Variants in CDC123 observed in about 807,000 individuals in gnomAD.
The protein encoded by CDC123 is translation initiation factor eIF2 assembly protein.
CDC123 carries 37 observed loss-of-function variants against 54.4 expected under a neutral mutation model. The ratio of observed to expected loss-of-function variants is 0.68; its 90% CI spans 0.52 to 0.89. CDC123 has a LOEUF of 0.89. Ranked by LOEUF, CDC123 falls within the 40% of genes least tolerant of loss-of-function variation. The pLI, the probability that CDC123 is intolerant of heterozygous loss-of-function variation, is 0.00. For synonymous variants in CDC123, 144 were observed against 136.8 expected (o/e 1.05, Z -0.37); for missense variants, 361 against 412.1 (o/e 0.88, Z 1.07).
intron 12 of CDC123, 21 bp downstream of exon 12, chr10:12,249,739 G>A (rs755488879): frequency 7.6e-6 from 12 of 1,579,472 alleles, no homozygotes; most frequent in Non-Finnish European, 1.7e-6. Context: ...TGTGCATTTA[G>A]TATGCTGGCC....
At chr10:12,229,951 A>G (rs1361960545) in intron 6 of CDC123, among the ~76,000 whole-genome samples, 1 of 151,288 alleles carries the variant, frequency 6.6e-6, no homozygotes, top group Non-Finnish European at 1.5e-5. Flanking sequence ...ACACAACAAG[A>G]ACGTGGACAA....
At chr10:12,249,356 T>TG (rs1282231661) in intron 11 of CDC123, among the ~76,000 whole-genome samples, 3 of 152,186 alleles carry the variant, frequency 2.0e-5, no homozygotes, top group African/African-American at 4.8e-5. Context: ...GAGGTTCACC[T>TG]GAGCCCAGGA....
chr10:12,246,963 CCTCT>C (rs1362736431), intron 11 of CDC123: 1 of 145,848 alleles, frequency 6.9e-6, no homozygotes, highest in African/African-American at 2.6e-5. Context: ...ACTGTGTCCT[CCTCT>C]CTCTCACCTC....
At chr10:12,196,425 G>T in intron 1 of CDC123, 106 bp downstream of exon 1, 1 of 1,408,648 alleles carries the variant, frequency 7.1e-7, no homozygotes, top group Non-Finnish European at 9.9e-7. Flanking sequence ...GCGACTGCAT[G>T]GGAGGGAGTG....
chr10:12,246,856 C>G (rs1359034800), intron 11 of CDC123: 1 of 147,426 alleles, frequency 6.8e-6, no homozygotes, highest in Non-Finnish European at 1.5e-5. Context: ...ACACTTGTGT[C>G]CCCCTCTGTC....
intron 6 of CDC123, among the ~76,000 whole-genome samples, chr10:12,222,147 A>C (rs1372052796): frequency 2.6e-5 from 4 of 152,226 alleles, no homozygotes; most frequent in Non-Finnish European, 5.9e-5. Flanking sequence ...AGGAAGCACA[A>C]ATGCTCCCAG....
chr10:12,239,469 T>C (rs762930044), intron 10 of CDC123, among the ~76,000 whole-genome samples: 38 of 152,264 alleles, frequency 2.5e-4, no homozygotes, highest in Non-Finnish European at 4.6e-4. Flanking sequence ...TCCCAGCACT[T>C]TGGGAGGCTG....
rs982874231 is a variant in CDC123, at chr10:12,222,895, C to T, written c.440+5428C>T. 2.7e-5 allele frequency among the ~76,000 whole-genome samples: 4 copies of T among 146,168 alleles called. No individual in the cohort carries two copies. In the South Asian group the frequency reaches 8.7e-4, roughly 32 times the overall value. ...TCACTGGATATGTTACATTTGTCCT[C>T]TTTTTTTTTTTTTTGAGACGGAGTC... On this transcript the variant is annotated intron_variant, in intron 6 of 12. Transcript: ENST00000281141.
Position 12,250,468 on chromosome 10 carries a change from A to G in CDC123, c.*131A>G, listed in dbSNP as rs762009412. ...TGGACATCAGCCACTTTTTATATTC[A>G]TGTACATTCACCTGGGGAAAAAAAC... On this transcript the variant is annotated 3_prime_UTR_variant, in exon 13 of 13. Transcript: ENST00000281141. 4.0e-6 allele frequency: 3 copies of G among 748,716 alleles called. No individual in the cohort carries two copies. The highest frequency in any genetic ancestry group is 1.4e-5 in the South Asian group (1 of 70,338). The allele number at this position is 748,716 out of a possible 1,614,324, so 46.4% of individuals were successfully genotyped here.
At chr10:12,243,845 T>G (rs746901044) in intron 10 of CDC123, among the ~76,000 whole-genome samples, 1 of 152,068 alleles carries the variant, frequency 6.6e-6, no homozygotes, top group Admixed American at 6.6e-5. Context: ...GTCCATTTTG[T>G]ATCATGACAT....
At chr10:12,234,957 C>T in intron 7 of CDC123, 91 bp from the exon 8 acceptor site, 2 of 852,710 alleles carry the variant, frequency 2.3e-6, no homozygotes, top group South Asian at 3.0e-5. Context: ...TTGATAATGG[C>T]AATCATTAAG....
chr10:12,222,005 AGGCCTGGAGGG>A (rs146627895), intron 6 of CDC123, among the ~76,000 whole-genome samples: 1 of 152,304 alleles, frequency 6.6e-6, no homozygotes, highest in African/African-American at 2.4e-5. Context: ...CTGGTCCAGC[AGGCCTGGAGGG>A]GGCCTAAGCA....
chr10:12,226,668 G>C (rs908056368), intron 6 of CDC123, among the ~76,000 whole-genome samples: 1 of 141,570 alleles, frequency 7.1e-6, no homozygotes, highest in African/African-American at 2.6e-5. Context: ...GGGCTGCGGG[G>C]CAGAGGCGCT....
chr10:12,239,279 GGT>G, intron 10 of CDC123, among the ~76,000 whole-genome samples: 1 of 152,022 alleles, frequency 6.6e-6, no homozygotes, highest in East Asian at 1.9e-4. Flanking sequence ...TGTGTACCAT[GGT>G]TTAGGGATTC....
chr10:12,198,790 G>A lies in CDC123; in HGVS notation c.146+14G>A, dbSNP rs1835398791. On this transcript the variant is annotated intron_variant, in intron 2 of 12. Coordinates refer to ENST00000281141, the MANE Select transcript of CDC123 (RefSeq NM_006023.3). Reference sequence around the variant, plus strand: ...GGTTTCAGGAAGGTAAAGTATTTTAGAAAAAAATTTCTTAAACTTTATCAT... The same window carrying A: ...GGTTTCAGGAAGGTAAAGTATTTTAAAAAAAAATTTCTTAAACTTTATCAT... The A allele has an allele frequency of 2.1e-6, 3 of 1,451,170 alleles. No homozygotes were observed. Among genetic ancestry groups the A allele is most frequent in the African/African-American group, 1.4e-5 (1 of 70,418 alleles). 89.9% of individuals were successfully genotyped at this position (1,451,170 alleles called of 1,614,324 possible). A position where few individuals can be genotyped will look rare whatever the true frequency, so the allele number is the denominator to read the frequency against.
chr10:12,206,588 G>T (rs1407935056), intron 2 of CDC123, among the ~76,000 whole-genome samples: 1 of 152,190 alleles, frequency 6.6e-6, no homozygotes, highest in Non-Finnish European at 1.5e-5. Flanking sequence ...AAGGCGGTTC[G>T]ATTATCTGAG....
intron 6 of CDC123, among the ~76,000 whole-genome samples, chr10:12,229,819 C>T (rs1457154248): frequency 6.6e-6 from 1 of 152,190 alleles, no homozygotes; most frequent in Non-Finnish European, 1.5e-5. Flanking sequence ...TAATGGAGGG[C>T]TGAATGGATC....
rs140989496 is a variant in CDC123, at chr10:12,210,381, G to A, written c.237+59G>A. ...CTCACACTGTCACACAAGGGTTAGC[G>A]TCAAGGTTTAAGTGCATACCTCTCT... On this transcript the variant is annotated intron_variant, in intron 4 of 12. Coordinates refer to ENST00000281141, the MANE Select transcript of CDC123 (RefSeq NM_006023.3). The A allele has an allele frequency of 3.3e-5, 53 of 1,602,778 alleles. No individual in the cohort carries two copies. In the East Asian group the frequency reaches 7.4e-4, roughly 22 times the overall value.
chr10:12,207,591 C>T (rs1835539875), intron 2 of CDC123, among the ~76,000 whole-genome samples: 1 of 152,102 alleles, frequency 6.6e-6, no homozygotes, highest in Non-Finnish European at 1.5e-5. Flanking sequence ...GAGCTTGATG[C>T]CTGAGGATGC....
Sources: gnomAD v4.1 joint callset for allele counts (sites outside exome capture counted in the v4.1 genomes callset) on GRCh38, gnomAD v4.1.1 for gene constraint, MANE v1.5 for transcripts, NCBI Gene and HGNC (gene_info 2026-07-23, HGNC 2026-07-21) for gene names.